The following DLC1 variants were observed in gnomAD, a reference collection of about 807,000 sequenced individuals.
DLC1 encodes rho GTPase-activating protein 7.
A neutral mutation model predicts 140.3 loss-of-function variants in DLC1; 54 were observed. That is an observed-to-expected ratio of 0.38 (90% CI 0.31 to 0.48). The LOEUF (loss-of-function observed/expected upper bound fraction) is 0.48. DLC1 is among the 20% of genes least tolerant of loss of function. The pLI is 0.96. For missense variants in DLC1, 2,536 were observed against 1,907.0 expected (o/e 1.33, Z -6.14); for synonymous variants, 986 against 728.1 (o/e 1.35, Z -5.70).
intron 4 of DLC1, among the ~76,000 whole-genome samples, chr8:13,319,819 C>CTTTTTTTTT (rs547737556): frequency 0.027 from 2,046 of 75,912 alleles, 206 homozygotes; most frequent in East Asian, 0.029. Context: ...TTCTCTCTCT[C>CTTTTTTTTT]TCTTTTTTTT....
intron 2 of DLC1, among the ~76,000 whole-genome samples, chr8:13,483,806 G>T (rs996757859): frequency 6.6e-6 from 1 of 152,180 alleles, no homozygotes; most frequent in Non-Finnish European, 1.5e-5. Flanking sequence ...CTCGGGCGGG[G>T]TGTGGTGGCT....
At chr8:13,409,816 A>G (rs1197127033) in intron 2 of DLC1, among the ~76,000 whole-genome samples, 1 of 152,168 alleles carries the variant, frequency 6.6e-6, no homozygotes, top group Non-Finnish European at 1.5e-5. Flanking sequence ...GATTGTCAGT[A>G]TACTTGTATA....
chr8:13,511,475 CATTT>C (rs751260627), intron 1 of DLC1, among the ~76,000 whole-genome samples: 48 of 152,050 alleles, frequency 3.2e-4, no homozygotes, highest in Non-Finnish European at 5.7e-4. Context: ...AAAATTAGCC[CATTT>C]ATTTATCAAA....
rs529210874 is a variant in DLC1 at position 13,368,425 on chromosome 8, A to G, written c.1314+25128T>C. Among the ~76,000 whole-genome samples the G allele has an allele frequency of 6.6e-5, 10 of 152,328 alleles. No homozygotes were observed. The South Asian group carries it at 1.9e-3, about 28-fold the overall frequency. ...TTGCACCTCAGGCAGCAGCACAACAAGAAGGTCAAGTTCTCATTTGCCCCA... is the reference window on the plus strand; with the variant it reads ...TTGCACCTCAGGCAGCAGCACAACAGGAAGGTCAAGTTCTCATTTGCCCCA... On this transcript the variant is annotated intron_variant, in intron 4 of 17. Transcript: ENST00000276297.
chr8:13,115,858 ATG>A (rs1437838725), intron 5 of DLC1, among the ~76,000 whole-genome samples: 1 of 152,170 alleles, frequency 6.6e-6, no homozygotes, highest in Non-Finnish European at 1.5e-5. Context: ...GTACATGAGG[ATG>A]TATTTTCCCT....
chr8:13,576,523 G>C (rs4379451), intron 1 of DLC1, among the ~76,000 whole-genome samples: 57,122 of 152,066 alleles, frequency 0.38, 10,749 homozygotes, highest in East Asian at 0.49. Flanking sequence ...CTGAAAAGTT[G>C]TAAAAGTTGA....
In DLC1 at chr8:13,427,550, T is replaced by A. The variant is rs562325953; in HGVS notation, c.1024-25931A>T. On this transcript the variant is annotated intron_variant, in intron 2 of 17. Coordinates refer to ENST00000276297, the MANE Select transcript of DLC1 (RefSeq NM_182643.3). Reference sequence around the variant, plus strand: ...TGTTAGCTTCAACTCTATGCTGCTTTTCAGCTCAGCAGTCACCTCTTCCTC... The same window carrying A: ...TGTTAGCTTCAACTCTATGCTGCTTATCAGCTCAGCAGTCACCTCTTCCTC... Among the ~76,000 whole-genome samples, 20 of 152,344 alleles carry A rather than the reference T, an allele frequency of 1.3e-4. 1 individual carries two copies. The South Asian group carries it at 3.5e-3, about 27-fold the overall frequency.
intron 1 of DLC1, among the ~76,000 whole-genome samples, chr8:13,599,717 C>T (rs1805806529): frequency 6.6e-6 from 1 of 151,864 alleles, no homozygotes; most frequent in Admixed American, 6.6e-5. Flanking sequence ...GTAATGATGT[C>T]AACTCTATCC....
At chr8:13,118,004 C>CTTTT (rs35775672) in intron 5 of DLC1, among the ~76,000 whole-genome samples, 370 of 114,896 alleles carry the variant, frequency 3.2e-3, no homozygotes, top group African/African-American at 7.6e-3. Context: ...TGTTCTCTTT[C>CTTTT]TTTTTTTTTT....
chr8:13,159,125 A>G (rs1177160977), intron 5 of DLC1, among the ~76,000 whole-genome samples: 1 of 152,098 alleles, frequency 6.6e-6, no homozygotes, highest in African/African-American at 2.4e-5. Flanking sequence ...TTATCTACCC[A>G]CGTGGGACTG....
intron 1 of DLC1, among the ~76,000 whole-genome samples, chr8:13,602,528 G>T (rs188125516): frequency 6.6e-6 from 1 of 151,578 alleles, no homozygotes; most frequent in Non-Finnish European, 1.5e-5. Flanking sequence ...TGATGTCTAG[G>T]GTTTACATCA....
intron 5 of DLC1, among the ~76,000 whole-genome samples, chr8:13,246,672 T>C (rs886492866): frequency 5.9e-5 from 9 of 152,084 alleles, no homozygotes; most frequent in Admixed American, 4.6e-4. Context: ...TTTTTTTTTC[T>C]ACGCGACCAC....
At chr8:13,212,904 T>A (rs1414368189) in intron 5 of DLC1, among the ~76,000 whole-genome samples, 1 of 152,240 alleles carries the variant, frequency 6.6e-6, no homozygotes, top group Non-Finnish European at 1.5e-5. Context: ...TTTCATTTGA[T>A]CTCATCCAAA....
intron 5 of DLC1, among the ~76,000 whole-genome samples, chr8:13,186,525 T>C (rs1826377881): frequency 1.3e-5 from 2 of 152,208 alleles, no homozygotes; most frequent in South Asian, 4.1e-4. Context: ...TTCTCTACAC[T>C]GTTTATTCTA....
At chr8:13,593,605 T>G (rs1349536800) in intron 1 of DLC1, among the ~76,000 whole-genome samples, 1 of 152,108 alleles carries the variant, frequency 6.6e-6, no homozygotes, top group Non-Finnish European at 1.5e-5. Flanking sequence ...TTTGTTGTAT[T>G]GAGTCACTTA....
intron 1 of DLC1, among the ~76,000 whole-genome samples, chr8:13,590,019 A>T (rs1805463988): frequency 6.6e-6 from 1 of 150,766 alleles, no homozygotes; most frequent in African/African-American, 2.5e-5. Flanking sequence ...TTATTTTAAA[A>T]TGTTATGGAA....
intron 2 of DLC1, among the ~76,000 whole-genome samples, chr8:13,441,715 C>G (rs1354128193): frequency 6.6e-6 from 1 of 152,004 alleles, no homozygotes; most frequent in Non-Finnish European, 1.5e-5. Context: ...AAAGAGGATA[C>G]AAACAAATGG....
intron 1 of DLC1, among the ~76,000 whole-genome samples, chr8:13,604,065 T>G (rs1805970839): frequency 6.6e-6 from 1 of 152,098 alleles, no homozygotes; most frequent in African/African-American, 2.4e-5. Context: ...ATACATAAAA[T>G]TATTCCAAAG....
At chr8:13,556,849 T>G (rs1256891081) in intron 1 of DLC1, among the ~76,000 whole-genome samples, 1 of 152,252 alleles carries the variant, frequency 6.6e-6, no homozygotes, top group East Asian at 1.9e-4. Context: ...CATTATTTAA[T>G]TCATTTATTA....
Sources: allele counts gnomAD v4.1 joint callset (sites outside exome capture counted in the v4.1 genomes callset), GRCh38; gene constraint gnomAD v4.1.1; transcripts MANE v1.5; gene names NCBI Gene and HGNC (gene_info 2026-07-23, HGNC 2026-07-21).